The following C2CD3 variants were observed in gnomAD, a reference collection of about 807,000 sequenced individuals.
C2CD3 encodes C2 domain containing 3 centriole elongation regulator, also known as C2 domain-containing protein 3.
C2CD3 carries 148 observed loss-of-function variants against 234.0 expected under a neutral mutation model. That is an observed-to-expected ratio of 0.63 (90% CI 0.55 to 0.72). The LOEUF (loss-of-function observed/expected upper bound fraction) is 0.72, where lower values mean the gene tolerates loss of function less well. Among genes scored for constraint, C2CD3 ranks in the 30% least tolerant of loss-of-function variants. The pLI is 0.00. For synonymous variants in C2CD3, 1,000 were observed against 1,035.4 expected (o/e 0.97, Z 0.66); for missense variants, 2,577 against 2,811.5 (o/e 0.92, Z 1.89).
chr11:74,033,354 A>G lies in C2CD3; in HGVS notation c.6806T>C (p.Leu2269Pro). The G allele has an allele frequency of 6.5e-7, 1 of 1,535,648 alleles. No individual in the cohort carries two copies. Among genetic ancestry groups the G allele is most frequent in the Non-Finnish European group, 8.7e-7 (1 of 1,146,610 alleles). ...GSETSTKQSLLLPGPIVVPNF... is the reference protein window; with the variant it reads ...GSETSTKQSLPLPGPIVVPNF... ...TGTGGGAAATGCCAAAGGATACAGC[A>G]GGAGGCTCTGCTTTGTGGACGTCTC... The change falls in exon 31 of 33, where the codon CTG becomes CCG. Residue 2269 changes from leucine (L) to proline (P), a missense_variant. Leu to Pro is a moderately conservative substitution (Grantham distance 98, BLOSUM62 -3). Coordinates refer to ENST00000334126, the MANE Select transcript of C2CD3 (RefSeq NM_001286577.2).
At chr11:74,160,127 G>A (rs990015490) in intron 3 of C2CD3, among the ~76,000 whole-genome samples, 1 of 152,132 alleles carries the variant, frequency 6.6e-6, no homozygotes, top group Non-Finnish European at 1.5e-5. Flanking sequence ...CTAAGCCTAG[G>A]TGTATAGTAG....
chr11:74,049,402 C>A lies in C2CD3; in HGVS notation c.5296G>T (p.Glu1766Ter). 6.2e-7 allele frequency: 1 copy of A among 1,614,126 alleles called. No homozygotes were observed. The highest frequency in any genetic ancestry group is 8.5e-7 in the Non-Finnish European group (1 of 1,179,996). ...GQIKVAVSPL[E>*]SLIHFKEERQ... ...TCTTCTTTGAAGTGTATCAAACTCT[C>A]CAAAGGGGAGACAGCAACTTTTATC... The change falls in exon 27 of 33, where the codon GAG (glutamate) becomes TAG (stop). Residue 1766 changes from glutamate to a stop codon, truncating the protein, a stop_gained. Coordinates refer to ENST00000334126, the MANE Select transcript of C2CD3 (RefSeq NM_001286577.2). LOFTEE classifies it high-confidence loss of function.
chr11:74,139,439 C>A lies in C2CD3; in HGVS notation c.707+166G>T, dbSNP rs569854120. Among the ~76,000 whole-genome samples the A allele has an allele frequency of 2.0e-5, 3 of 152,290 alleles. No homozygotes were observed. In the South Asian group the frequency reaches 6.2e-4, roughly 32 times the overall value. ...GTCTTACTTATTTCTAGGCCCAGCA[C>A]CTAGTATCAAACCAGGACCAGAGTG... On this transcript the variant is annotated intron_variant, in intron 4 of 32. Coordinates refer to ENST00000334126, the MANE Select transcript of C2CD3 (RefSeq NM_001286577.2).
chr11:74,057,424 T>C lies in C2CD3; in HGVS notation c.5072A>G (p.Asn1691Ser). ...VVENTDSPIW[N>S]FQQQSRLSKE... ...CACAAACCTTGACTGCTGTTGAAAA[T>C]TCCAGATGGGGGAATCTGTGTTTTC... Residue 1691 changes from asparagine to serine, a missense_variant, in exon 25 of 33, where the codon AAT (asparagine) becomes AGT (serine). Transcript: ENST00000334126. 6.2e-7 allele frequency: 1 copy of C among 1,614,142 alleles called. No individual in the cohort carries two copies. The highest frequency in any genetic ancestry group is 2.2e-5 in the East Asian group (1 of 44,882).
chr11:74,122,917 A>AAG, intron 8 of C2CD3, 71 bp downstream of exon 8: 3 of 564,786 alleles, frequency 5.3e-6, no homozygotes, highest in Non-Finnish European at 7.4e-6. Flanking sequence ...CATAGCTGTC[A>AAG]TGCCTGCAGC....
rs542191976 is a variant in C2CD3 at position 74,087,136 on chromosome 11, C to T, written c.3642-1250G>A. ...AGAAAAACTTTTTCCTTTTCATTAT[C>T]GTTAATGATCATTAATAGATGATTT... On this transcript the variant is annotated intron_variant, in intron 20 of 32. Coordinates refer to ENST00000334126, the MANE Select transcript of C2CD3 (RefSeq NM_001286577.2). 1.1e-4 allele frequency among the ~76,000 whole-genome samples: 17 copies of T among 152,206 alleles called. No homozygotes were observed. The East Asian group carries it at 1.9e-3, about 17-fold the overall frequency.
Position 74,098,054 on chromosome 11 carries a change from C to G in C2CD3, c.2934G>C (p.Arg978Ser), listed in dbSNP as rs1184373793. 1 of 1,613,914 alleles carries G rather than the reference C, an allele frequency of 6.2e-7. No homozygotes were observed. Residue 978 changes from arginine (R) to serine (S), a missense_variant, in exon 16 of 33, where the codon AGG (arginine) becomes AGC (serine). By Grantham distance (110) the Arg-to-Ser change is moderately radical. Coordinates refer to ENST00000334126, the MANE Select transcript of C2CD3 (RefSeq NM_001286577.2). ...EEGTLPPFSP[R>S]PAHFLDQPTA... ...TTGGCTGGTCCAGGAAATGGGCTGG[C>G]CTAGGGCTGAAGGGAGGGAGTGTTC...
rs1276021440 is a variant in C2CD3, at chr11:74,106,486, A to G, written c.1970T>C (p.Val657Ala). The change falls in exon 13 of 33, where the codon GTC becomes GCC. Residue 657 changes from valine to alanine, a missense_variant. Coordinates refer to ENST00000334126, the MANE Select transcript of C2CD3 (RefSeq NM_001286577.2). ...CAAAGAAAGTGACACAGATCCAATG[A>G]CTTCTGGCTGAGAAAGAAGGAAAGA... The part of the protein sequence containing the change: ...VKKTPQKKPE[V>A]IGSVSLSLRA... 6.2e-7 allele frequency: 1 copy of G among 1,613,580 alleles called. No homozygotes were observed. The highest frequency in any genetic ancestry group is 1.3e-5 in the African/African-American group (1 of 74,904).
intron 32 of C2CD3, among the ~76,000 whole-genome samples, chr11:74,018,079 C>A (rs531461122): frequency 7.2e-5 from 11 of 152,300 alleles, no homozygotes; most frequent in Admixed American, 2.0e-4. Context: ...CTGGGTCTCT[C>A]TGGGTCTTAG....
At chr11:74,055,122 C>T (rs1053805764) in intron 25 of C2CD3, among the ~76,000 whole-genome samples, 1 of 152,200 alleles carries the variant, frequency 6.6e-6, no homozygotes, top group South Asian at 2.1e-4. Flanking sequence ...TACATTTCAT[C>T]TGCACAAAAG....
chr11:74,020,656 C>T (rs1022661626), intron 32 of C2CD3, among the ~76,000 whole-genome samples: 1 of 152,208 alleles, frequency 6.6e-6, no homozygotes, highest in African/African-American at 2.4e-5. Flanking sequence ...GCTGGCTCCC[C>T]AGGGAACTGT....
chr11:74,086,025 G>T, intron 20 of C2CD3, 139 bp from the exon 21 acceptor site: 1 of 855,446 alleles, frequency 1.2e-6, no homozygotes, highest in South Asian at 1.8e-5. Context: ...TAGGCTTTTG[G>T]CAGTGCCACA....
chr11:74,161,813 CTTTTTT>C (rs927069098), intron 2 of C2CD3, among the ~76,000 whole-genome samples: 1 of 131,894 alleles, frequency 7.6e-6, no homozygotes, highest in African/African-American at 2.8e-5. Context: ...TGAAGTTCTA[CTTTTTT>C]TTTTTTTTTT....
intron 8 of C2CD3, among the ~76,000 whole-genome samples, chr11:74,121,830 T>C (rs184654843): frequency 1.3e-3 from 198 of 152,278 alleles, no homozygotes; most frequent in Admixed American, 3.3e-3. Flanking sequence ...CAGTGATGAC[T>C]GTGAAGGTGG....
In C2CD3 at chr11:74,033,880, T is replaced by G. The variant is rs1213270473; in HGVS notation, c.6280A>C (p.Thr2094Pro). The G allele has an allele frequency of 2.0e-6, 3 of 1,536,118 alleles. No individual in the cohort carries two copies. The highest frequency in any genetic ancestry group is 1.7e-6 in the Non-Finnish European group (2 of 1,146,926). The change falls in exon 31 of 33, where the codon ACA (threonine) becomes CCA (proline). Residue 2094 changes from threonine (T) to proline (P), a missense_variant. Thr to Pro is a conservative substitution (Grantham distance 38). Coordinates refer to ENST00000334126, the MANE Select transcript of C2CD3 (RefSeq NM_001286577.2). The part of the protein sequence containing the change: ...TSPWSSVISD[T>P]SEVISPQPDE... ...GGCTGAGGGCTGATGACCTCACTTG[T>G]GTCTGATATGACACTAGACCAAGGG...
chr11:74,057,383 G>A, intron 25 of C2CD3, 23 bp downstream of exon 25: 1 of 1,613,722 alleles, frequency 6.2e-7, no homozygotes. Context: ...CTGGAAGGCT[G>A]ACGAATAACG....
intron 22 of C2CD3, among the ~76,000 whole-genome samples, chr11:74,082,854 T>C (rs1311415597): frequency 6.6e-6 from 1 of 152,102 alleles, no homozygotes; most frequent in Non-Finnish European, 1.5e-5. Context: ...ATTGTGAAAA[T>C]GGCCATACTG....
chr11:74,123,400 A>G (rs73561847), intron 7 of C2CD3, among the ~76,000 whole-genome samples: 2,667 of 152,284 alleles, frequency 0.018, 80 homozygotes, highest in African/African-American at 0.061. Context: ...TTGGTCACTT[A>G]TTATGTGCTA....
intron 22 of C2CD3, among the ~76,000 whole-genome samples, chr11:74,082,261 G>A (rs957115250): frequency 2.6e-5 from 4 of 151,832 alleles, no homozygotes; most frequent in Non-Finnish European, 5.9e-5. Flanking sequence ...GACCACAGGC[G>A]CCTGCTACCA....
Sources: allele counts gnomAD v4.1 joint callset (sites outside exome capture counted in the v4.1 genomes callset), GRCh38; gene constraint gnomAD v4.1.1; transcripts MANE v1.5; gene names NCBI Gene and HGNC (gene_info 2026-07-23, HGNC 2026-07-21).